NRDC: variants seen among roughly 807,000 people sequenced by gnomAD.
The protein encoded by NRDC is nardilysin convertase, also known as nardilysin.
Under a neutral mutation model 147.1 loss-of-function variants are expected in NRDC, and 54 were observed. The ratio of observed to expected loss-of-function variants is 0.37; its 90% CI spans 0.29 to 0.46. NRDC has a LOEUF of 0.46. Ranked by LOEUF, NRDC falls within the 20% of genes least tolerant of loss-of-function variation. NRDC has a pLI of 1.00. For missense variants in NRDC, 1,082 were observed against 1,370.6 expected, an observed-to-expected ratio of 0.79 and a Z score of 3.33; for synonymous variants, 440 against 482.1, an observed-to-expected ratio of 0.91 and a Z score of 1.14.
intron 4 of NRDC, among the ~76,000 whole-genome samples, chr1:51,832,882 T>A (rs928125673): frequency 1.6e-4 from 24 of 152,222 alleles, no homozygotes; most frequent in African/African-American, 5.8e-4. Context: ...ACAACTCAAC[T>A]GTCCAATCAT....
intron 1 of NRDC, among the ~76,000 whole-genome samples, chr1:51,877,692 G>A (rs1420266317): frequency 6.6e-6 from 1 of 152,164 alleles, no homozygotes; most frequent in African/African-American, 2.4e-5. Context: ...ACCCAACTGA[G>A]ACCTAAGCCC....
intron 1 of NRDC, among the ~76,000 whole-genome samples, chr1:51,872,729 A>G (rs1683140117): frequency 6.6e-6 from 1 of 152,142 alleles, no homozygotes; most frequent in Non-Finnish European, 1.5e-5. Context: ...AAATAAGGAA[A>G]TCAGTCTAAG....
At chr1:51,813,888 C>G (rs1188898976) in intron 14 of NRDC, 147 bp downstream of exon 14, 3 of 610,412 alleles carry the variant, frequency 4.9e-6, no homozygotes, top group Non-Finnish European at 6.0e-6. Flanking sequence ...AGTTAATTTT[C>G]AGATAGCTTC....
In NRDC at chr1:51,806,787, A is replaced by AT; in HGVS notation, c.2110+6dup. 1.2e-6 allele frequency: 2 copies of AT among 1,612,934 alleles called. No individual in the cohort carries two copies. Among genetic ancestry groups the AT allele is most frequent in the Non-Finnish European group, 8.5e-7 (1 of 1,179,546 alleles). ...AGCAGGGAAGTAACAGGAGGGCAAC[A>AT]TTTTACCTTTGGGGATTTTGAATTT... On this transcript the variant is annotated splice_region_variant and intron_variant, in intron 18 of 30. Transcript: ENST00000352171.
At chr1:51,830,199 G>T (rs1323210945) in intron 4 of NRDC, among the ~76,000 whole-genome samples, 1 of 151,860 alleles carries the variant, frequency 6.6e-6, no homozygotes, top group African/African-American at 2.4e-5. Flanking sequence ...TCCTGACCTC[G>T]TGATCCACCC....
At chr1:51,791,783 CAG>C (rs1205820725) in intron 26 of NRDC, 122 bp from the exon 27 acceptor site, 2 of 813,232 alleles carry the variant, frequency 2.5e-6, no homozygotes, top group East Asian at 2.5e-5. Context: ...AGTCCTGAAA[CAG>C]GACCCAAAAA....
chr1:51,846,813 T>TTACAGAGAGCCGATTGGTCTGTTC (rs1371932100), intron 1 of NRDC, among the ~76,000 whole-genome samples: 1 of 152,252 alleles, frequency 6.6e-6, no homozygotes, highest in Non-Finnish European at 1.5e-5. Context: ...TTGGTCCATT[T>TTACAGAGAGCCGATTGGTCTGTTC]TACAGAGAGC....
chr1:51,795,507 G>A (rs1041758960), intron 22 of NRDC: 1 of 195,374 alleles, frequency 5.1e-6, no homozygotes, highest in Non-Finnish European at 1.1e-5. Context: ...TGGGGTTGCA[G>A]AATGAAGATA....
intron 1 of NRDC, among the ~76,000 whole-genome samples, chr1:51,855,661 A>T (rs1682199616): frequency 6.6e-6 from 1 of 152,040 alleles, no homozygotes; most frequent in Non-Finnish European, 1.5e-5. Context: ...AAGCTTAAAA[A>T]TATGTGCTAT....
At chr1:51,794,752 ACTGAATTGTGG>A (rs1678815686) in intron 23 of NRDC, 60 bp downstream of exon 23, 14 of 1,597,730 alleles carry the variant, frequency 8.8e-6, no homozygotes. Context: ...GTAACAATTA[ACTGAATTGTGG>A]CTCCATGCCC....
intron 1 of NRDC, among the ~76,000 whole-genome samples, chr1:51,865,324 AG>A (rs1228848861): frequency 6.7e-6 from 1 of 149,286 alleles, no homozygotes; most frequent in Non-Finnish European, 1.5e-5. Flanking sequence ...TTTTTTTTTG[AG>A]ACGGAGTCTC....
intron 1 of NRDC, among the ~76,000 whole-genome samples, chr1:51,844,959 G>C (rs1488250010): frequency 6.6e-6 from 1 of 152,048 alleles, no homozygotes; most frequent in African/African-American, 2.4e-5. Context: ...CTCTGTCTTT[G>C]ATATTTTGTT....
chr1:51,828,540 T>C (rs902050021), intron 4 of NRDC, among the ~76,000 whole-genome samples: 3 of 152,108 alleles, frequency 2.0e-5, no homozygotes, highest in African/African-American at 7.2e-5. Context: ...GCTTTTTAAA[T>C]TAATTTTTAA....
intron 22 of NRDC, among the ~76,000 whole-genome samples, chr1:51,797,563 CTATG>C (rs1389655964): frequency 6.6e-6 from 1 of 152,146 alleles, no homozygotes; most frequent in Non-Finnish European, 1.5e-5. Context: ...CTAGTTCTGG[CTATG>C]TATGTATGTA....
In NRDC at chr1:51,816,340, C is replaced by T; in HGVS notation, c.1411G>A (p.Gly471Ser). 1 of 1,598,744 alleles carries T rather than the reference C, an allele frequency of 6.3e-7. No homozygotes were observed. Among genetic ancestry groups the T allele is most frequent in the South Asian group, 1.1e-5 (1 of 88,416 alleles). The change falls in exon 11 of 31, where the codon GGC becomes AGC. Residue 471 changes from glycine to serine, a missense_variant. Around this residue, in one of 3 missense-constraint regions of NRDC, gnomAD observed 635 missense variants for 923.8 expected, o/e 0.69. Transcript: ENST00000352171. ...TTCCTAAGGAAAGAAAGAATGCTGC[C>T]TTTGCCTTCATGTCCAACCAGCCAG... ...ISWLVGHEGK[G>S]SILSFLRKKC... is the part of the protein sequence containing the mutation.
chr1:51,868,616 G>A (rs74411221), intron 1 of NRDC, among the ~76,000 whole-genome samples: 2,320 of 152,216 alleles, frequency 0.015, 65 homozygotes, highest in African/African-American at 0.053. Flanking sequence ...GTTCATGCCC[G>A]TAATTCCAGC....
Position 51,789,621 on chromosome 1 carries a change from C to T in NRDC, c.3205G>A (p.Val1069Ile), listed in dbSNP as rs1678479864. 1 of 1,613,844 alleles carries T rather than the reference C, an allele frequency of 6.2e-7. No individual in the cohort carries two copies. The highest frequency in any genetic ancestry group is 8.5e-7 in the Non-Finnish European group (1 of 1,179,778). Residue 1069 changes from valine to isoleucine, a missense_variant, in exon 30 of 31, where the codon GTC becomes ATC. This residue lies in a region of NRDC where 187 missense variants were observed against 193.6 expected (regional missense o/e 0.97). Coordinates refer to ENST00000352171, the MANE Select transcript of NRDC (RefSeq NM_001101662.2). ...ALKSFSKSDL[V>I]NWFKAHRGPG... ...CCTCTATGGGCCTTGAACCAGTTGA[C>T]CAGGTCTGATTTTGAGAATGACTTC...
At chr1:51,797,692 CA>C (rs1198849031) in intron 22 of NRDC, among the ~76,000 whole-genome samples, 2 of 152,172 alleles carry the variant, frequency 1.3e-5, no homozygotes, top group African/African-American at 4.8e-5. Flanking sequence ...ACAAAGGTAA[CA>C]AACAGTATAG....
intron 25 of NRDC, 21 bp from the exon 26 acceptor site, chr1:51,792,119 C>T (rs1678685317): frequency 1.9e-6 from 3 of 1,613,368 alleles, no homozygotes; most frequent in African/African-American, 1.3e-5. Flanking sequence ...ACATACTGCC[C>T]ATCAGCCCAA....
Sources: allele counts gnomAD v4.1 joint callset (sites outside exome capture counted in the v4.1 genomes callset), GRCh38; gene constraint gnomAD v4.1.1; regional missense constraint gnomAD v4.1.1; transcripts MANE v1.5; gene names NCBI Gene and HGNC (gene_info 2026-07-23, HGNC 2026-07-21).